Variants in PIK3C2G observed in about 807,000 individuals in gnomAD.
PIK3C2G encodes phosphatidylinositol-4-phosphate 3-kinase catalytic subunit type 2 gamma.
In PIK3C2G, 168 loss-of-function variants were observed where a neutral mutation model predicts 181.1. The observed-to-expected ratio is 0.93, with a 90% confidence interval of 0.82 to 1.05. The LOEUF (loss-of-function observed/expected upper bound fraction) is 1.05. Among genes scored for constraint, PIK3C2G ranks in the 50% least tolerant of loss-of-function variants. The pLI is 0.00. For missense variants in PIK3C2G, 1,869 were observed against 1,732.8 expected, an observed-to-expected ratio of 1.08 and a Z score of -1.40; for synonymous variants, 573 against 592.2, an observed-to-expected ratio of 0.97 and a Z score of 0.47.
chr12:18,675,439 AC>A, the PIK3C2G span, among the ~76,000 whole-genome samples: 1 of 152,126 alleles, frequency 6.6e-6, no homozygotes, highest in Non-Finnish European at 1.5e-5. Context: ...AATTAGTACA[AC>A]CTCTGTGGAA....
At chr12:18,688,033 T>C in the PIK3C2G span, 4 of 1,594,168 alleles carry the variant, frequency 2.5e-6, no homozygotes, top group Non-Finnish European at 3.4e-6. Context: ...ATATAATTTG[T>C]AAGCTTTCCA....
In PIK3C2G at chr12:18,330,949, C is replaced by T. The variant is rs551986826; in HGVS notation, c.1272+5851C>T. 2.0e-5 allele frequency among the ~76,000 whole-genome samples: 3 copies of T among 152,202 alleles called. 1 individual carries two copies. In the South Asian group the frequency reaches 6.2e-4, roughly 32 times the overall value. ...ATTTTTACTTTACAGTTTATGCTTTCTTATCATATTTAATAAAGATTTGCC... is the reference window on the plus strand; with the variant it reads ...ATTTTTACTTTACAGTTTATGCTTTTTTATCATATTTAATAAAGATTTGCC... On this transcript the variant is annotated intron_variant, in intron 8 of 32. Transcript: ENST00000538779.
chr12:18,631,809 G>C (rs1949363788), intron 31 of PIK3C2G, among the ~76,000 whole-genome samples: 1 of 152,126 alleles, frequency 6.6e-6, no homozygotes, highest in Non-Finnish European at 1.5e-5. Context: ...AATCTGTTTT[G>C]GAACAGTGAG....
At chr12:18,403,046 T>G (rs1382500160) in intron 16 of PIK3C2G, among the ~76,000 whole-genome samples, 1 of 152,200 alleles carries the variant, frequency 6.6e-6, no homozygotes, top group African/African-American at 2.4e-5. Flanking sequence ...TGAACCATTC[T>G]GTTTAAAGCC....
chr12:18,548,345 T>C (rs986213426), intron 26 of PIK3C2G, among the ~76,000 whole-genome samples: 3 of 152,024 alleles, frequency 2.0e-5, no homozygotes, highest in Non-Finnish European at 2.9e-5. Flanking sequence ...TATAGTGCTG[T>C]AGCTTACTAT....
At chr12:18,666,489 TATATA>T in the PIK3C2G span, among the ~76,000 whole-genome samples, 1 of 152,134 alleles carries the variant, frequency 6.6e-6, no homozygotes, top group South Asian at 2.1e-4. Context: ...AGAAGGACAT[TATATA>T]ATATAAAAGT....
chr12:18,706,003 G>A, the PIK3C2G span, among the ~76,000 whole-genome samples: 1 of 151,990 alleles, frequency 6.6e-6, no homozygotes, highest in African/African-American at 2.4e-5. Context: ...GAGGCGGGTG[G>A]ATCACCTGGG....
chr12:18,699,184 G>A, the PIK3C2G span, among the ~76,000 whole-genome samples: 4 of 152,200 alleles, frequency 2.6e-5, no homozygotes, highest in Non-Finnish European at 5.9e-5. Context: ...ACTCTGCACA[G>A]CCATCTGGTA....
the PIK3C2G span, among the ~76,000 whole-genome samples, chr12:18,695,802 G>C: frequency 6.6e-6 from 1 of 152,046 alleles, no homozygotes; most frequent in African/African-American, 2.4e-5. Flanking sequence ...AAATGATAGA[G>C]GTCACTTGAT....
At chr12:18,336,633 G>T (rs1278871506) in intron 8 of PIK3C2G, among the ~76,000 whole-genome samples, 1 of 152,024 alleles carries the variant, frequency 6.6e-6, no homozygotes, top group Non-Finnish European at 1.5e-5. Context: ...TGAAATAAAT[G>T]ATTTTTTTCC....
intron 31 of PIK3C2G, among the ~76,000 whole-genome samples, chr12:18,625,280 T>C (rs929890008): frequency 1.3e-5 from 2 of 151,768 alleles, no homozygotes; most frequent in African/African-American, 4.8e-5. Context: ...CATTGACCTA[T>C]TGGCTGTTCA....
intron 29 of PIK3C2G, among the ~76,000 whole-genome samples, chr12:18,591,250 T>C (rs1039309994): frequency 7.2e-5 from 11 of 151,800 alleles, no homozygotes; most frequent in East Asian, 1.9e-4. Flanking sequence ...TAGAAGAAAA[T>C]TGGTGACTAA....
At chr12:18,385,003 T>C (rs1156947367) in intron 14 of PIK3C2G, among the ~76,000 whole-genome samples, 1 of 152,120 alleles carries the variant, frequency 6.6e-6, no homozygotes, top group East Asian at 1.9e-4. Flanking sequence ...TCTTTCAACC[T>C]AAAGATTATG....
chr12:18,503,789 G>A (rs186759726), intron 23 of PIK3C2G, among the ~76,000 whole-genome samples: 21 of 151,826 alleles, frequency 1.4e-4, no homozygotes, highest in Admixed American at 4.6e-4. Context: ...CCACTTTTTC[G>A]TCTCCCATTT....
chr12:18,360,291 C>T lies in PIK3C2G; in HGVS notation c.1626-2473C>T, dbSNP rs148519246. On this transcript the variant is annotated intron_variant, in intron 11 of 32. Transcript: ENST00000538779. ...TGTACTTCTATTTCTCCTCCCACCA[C>T]ACTTTATGTTATTGATGTTAAAAAT... Among the ~76,000 whole-genome samples the T allele has an allele frequency of 4.2e-3, 638 of 152,250 alleles. 3 individuals carry two copies. The highest frequency in any genetic ancestry group is 3.9e-3 in the Non-Finnish European group (266 of 67,988).
chr12:18,645,099 T>C (rs534215002), intron 32 of PIK3C2G, among the ~76,000 whole-genome samples: 1 of 152,260 alleles, frequency 6.6e-6, no homozygotes, highest in South Asian at 2.1e-4. Flanking sequence ...TGCCTATAGG[T>C]AAAAATTATT....
chr12:18,530,763 C>T (rs1943509917), intron 24 of PIK3C2G, among the ~76,000 whole-genome samples: 1 of 152,052 alleles, frequency 6.6e-6, no homozygotes, highest in Non-Finnish European at 1.5e-5. Flanking sequence ...AAATGTGTAG[C>T]ACTTCCCCCT....
chr12:18,641,911 A>G (rs915983811), intron 32 of PIK3C2G, among the ~76,000 whole-genome samples: 1 of 151,902 alleles, frequency 6.6e-6, no homozygotes, highest in Admixed American at 6.6e-5. Context: ...CACCACATCC[A>G]GCTAATTTTT....
chr12:18,295,506 A>C (rs1488163178), intron 5 of PIK3C2G, among the ~76,000 whole-genome samples: 1 of 152,076 alleles, frequency 6.6e-6, no homozygotes, highest in African/African-American at 2.4e-5. Flanking sequence ...GAAATTCGGA[A>C]AAGTATAATG....
Sources: gnomAD v4.1 joint callset for allele counts (sites outside exome capture counted in the v4.1 genomes callset) on GRCh38, gnomAD v4.1.1 for gene constraint, MANE v1.5 for transcripts, NCBI Gene and HGNC (gene_info 2026-07-23, HGNC 2026-07-21) for gene names.